The following HTR2C variants were observed in gnomAD, a reference collection of about 807,000 sequenced individuals.
HTR2C encodes 5-hydroxytryptamine (serotonin) receptor 2C, G protein-coupled.
HTR2C carries 5 observed loss-of-function variants against 21.0 expected under a neutral mutation model. That is an observed-to-expected ratio of 0.24 (90% CI 0.12 to 0.50). The LOEUF is 0.50. HTR2C is among the 20% of genes least tolerant of loss of function. HTR2C has a pLI of 0.98. For missense variants in HTR2C, 271 were observed against 371.2 expected (o/e 0.73, Z 2.22); for synonymous variants, 150 against 145.3 (o/e 1.03, Z -0.23).
chrX:114,907,307 G>C lies in HTR2C; in HGVS notation c.1269G>C (p.Val423=). The C allele has an allele frequency of 4.1e-6, 5 of 1,210,800 alleles. No homozygotes were observed. Among genetic ancestry groups the C allele is most frequent in the Non-Finnish European group, 5.6e-6 (5 of 894,738 alleles). The change falls in exon 6 of 6, where the codon GTG becomes GTC. Residue 423 remains valine, a synonymous_variant. Coordinates refer to ENST00000276198, the MANE Select transcript of HTR2C (RefSeq NM_000868.4). The part of the protein sequence containing the change: ...VNIYRHTNEP[V]IEKASDNEPG... The stretch of plus-strand genomic sequence containing the variant: ...TTTATCGGCATACCAATGAACCGGT[G>C]ATCGAGAAAGCCAGTGACAATGAGC...
At chrX:114,775,844 G>A in intron 4 of HTR2C, 1 of 387,036 alleles carries the variant, frequency 2.6e-6, no homozygotes, top group South Asian at 3.6e-5. Context: ...AGGGCCAAGG[G>A]TGCCATGGAA....
Position 114,584,652 on chromosome X carries a change from C to A in HTR2C, c.-154C>A, listed in dbSNP as rs1178651500. ...ACCGCTGCCTGGTCTTCCTCCCGGA[C>A]GCTAGTGGTAAGTTGGAGCCCCGGG... On this transcript the variant is annotated 5_prime_UTR_variant, in exon 1 of 6. Transcript: ENST00000276198. 8.9e-6 allele frequency: 1 copy of A among 112,284 alleles called. No homozygotes were observed. Among genetic ancestry groups the A allele is most frequent in the African/African-American group, 3.2e-5 (1 of 30,878 alleles). The allele number at this position is 112,284 out of a possible 1,213,427, so 9.3% of individuals were successfully genotyped here.
At position 114,800,549 on chromosome X, in the gene HTR2C, T is replaced by C. The variant is rs782316364; in HGVS notation, c.350-47454T>C. 7.2e-5 allele frequency among the ~76,000 whole-genome samples: 8 copies of C among 111,458 alleles called. No homozygotes were observed. The South Asian group carries it at 2.2e-3, about 31-fold the overall frequency. On this transcript the variant is annotated intron_variant, in intron 4 of 5. Transcript: ENST00000276198. ...TTGATGGAGAATGTAAGCATTAGCATTTAATTCATTGGCACTTCTTTGGCT... is the reference window on the plus strand; with the variant it reads ...TTGATGGAGAATGTAAGCATTAGCACTTAATTCATTGGCACTTCTTTGGCT...
chrX:114,672,389 C>CA (rs1300796653), intron 2 of HTR2C, among the ~76,000 whole-genome samples: 56 of 104,623 alleles, frequency 5.4e-4, no homozygotes, highest in East Asian at 4.5e-3. Context: ...GACTGAGTCT[C>CA]AAAAAAAAAA....
chrX:114,748,060 G>A (rs1478070319), intron 4 of HTR2C, among the ~76,000 whole-genome samples: 1 of 112,251 alleles, frequency 8.9e-6, no homozygotes, highest in Non-Finnish European at 1.9e-5. Context: ...TATTAAGTGA[G>A]TTTAGCAAGC....
intron 4 of HTR2C, among the ~76,000 whole-genome samples, chrX:114,830,943 C>T (rs1199742542): frequency 5.1e-5 from 4 of 77,739 alleles, no homozygotes; most frequent in Admixed American, 1.7e-4. Flanking sequence ...TGAGAATATG[C>T]GGTGTTTGGT....
rs782449628 is a variant in HTR2C, at chrX:114,628,292, G to T, written c.-80+14411G>T. On this transcript the variant is annotated intron_variant, in intron 2 of 5. Coordinates refer to ENST00000276198, the MANE Select transcript of HTR2C (RefSeq NM_000868.4). ...CTCACTCTGTCGCCCAGGCTGGAGT[G>T]CAGTGGCACGATCTTGGCTCACTGC... 5.6e-4 allele frequency among the ~76,000 whole-genome samples: 62 copies of T among 110,408 alleles called. 1 individual carries two copies. The highest frequency in any genetic ancestry group is 4.7e-3 in the Middle Eastern group (1 of 211).
intron 2 of HTR2C, among the ~76,000 whole-genome samples, chrX:114,712,780 C>A (rs1454031723): frequency 7.2e-5 from 8 of 111,608 alleles, no homozygotes; most frequent in African/African-American, 2.6e-4. Flanking sequence ...ACCCAAAGAC[C>A]ATTGTTCTCA....
At chrX:114,876,985 A>G (rs979123532) in intron 5 of HTR2C, among the ~76,000 whole-genome samples, 23 of 111,271 alleles carry the variant, frequency 2.1e-4, no homozygotes, top group African/African-American at 7.2e-4. Context: ...GTGTTCTTTC[A>G]TCTTGAATTT....
At chrX:114,848,479 A>C (rs1556468313) in intron 5 of HTR2C, among the ~76,000 whole-genome samples, 1 of 111,678 alleles carries the variant, frequency 9.0e-6, no homozygotes, top group Non-Finnish European at 1.9e-5. Context: ...ACAGATACAA[A>C]ATGTTTGAAA....
At chrX:114,611,854 C>G (rs782121290) in intron 1 of HTR2C, among the ~76,000 whole-genome samples, 2 of 110,850 alleles carry the variant, frequency 1.8e-5, no homozygotes, top group African/African-American at 6.6e-5. Flanking sequence ...CCCGCCACCA[C>G]GCCCGGCTAT....
chrX:114,746,688 T>TAAA (rs1382577054), intron 4 of HTR2C, among the ~76,000 whole-genome samples: 1 of 100,384 alleles, frequency 1.0e-5, no homozygotes, highest in Non-Finnish European at 2.1e-5. Flanking sequence ...ACCTCAACTC[T>TAAA]AAAAAAAAAA....
rs1223752470 is a variant in HTR2C, at chrX:114,722,854, A to G, written c.-79-4004A>G. 2.6e-4 allele frequency among the ~76,000 whole-genome samples: 28 copies of G among 108,182 alleles called. No individual in the cohort carries two copies. In the East Asian group the frequency reaches 7.6e-3, roughly 29 times the overall value. 93.9% of individuals were successfully genotyped at this position (108,182 alleles called of 115,157 possible). A position where few individuals can be genotyped will look rare whatever the true frequency, so the allele number is the denominator to read the frequency against. On this transcript the variant is annotated intron_variant, in intron 2 of 5. Transcript: ENST00000276198. Reference sequence around the variant, plus strand: ...GTATATTGAACCAGCCTTGCATCCCAGGGATGAAGCCCACTTGATCATGGT... The same window carrying G: ...GTATATTGAACCAGCCTTGCATCCCGGGGATGAAGCCCACTTGATCATGGT...
chrX:114,631,157 T>G (rs1929603826), intron 2 of HTR2C, among the ~76,000 whole-genome samples: 1 of 110,679 alleles, frequency 9.0e-6, no homozygotes, highest in South Asian at 3.9e-4. Context: ...ACAAAAAAAA[T>G]CAGCTGGGCA....
At chrX:114,656,887 G>A (rs1556409340) in intron 2 of HTR2C, among the ~76,000 whole-genome samples, 1 of 109,428 alleles carries the variant, frequency 9.1e-6, no homozygotes, top group Admixed American at 9.8e-5. Flanking sequence ...CCTAGAAAAG[G>A]ACATATGTGA....
At chrX:114,730,768 A>G (rs1450503188) in intron 3 of HTR2C, among the ~76,000 whole-genome samples, 2 of 111,606 alleles carry the variant, frequency 1.8e-5, no homozygotes, top group African/African-American at 3.3e-5. Context: ...CAGCTGTCTC[A>G]GAACATATCT....
At chrX:114,866,727 C>T (rs2071049345) in intron 5 of HTR2C, among the ~76,000 whole-genome samples, 1 of 110,576 alleles carries the variant, frequency 9.0e-6, no homozygotes, top group African/African-American at 3.3e-5. Context: ...ATTTTTAGAT[C>T]CCACAGATAA....
chrX:114,699,565 T>G (rs2147306623), intron 2 of HTR2C, among the ~76,000 whole-genome samples: 1 of 112,260 alleles, frequency 8.9e-6, no homozygotes, highest in East Asian at 2.8e-4. Context: ...AATAAATTAA[T>G]GATGAATATC....
At chrX:114,686,164 C>A (rs34351769) in intron 2 of HTR2C, among the ~76,000 whole-genome samples, 1 of 111,010 alleles carries the variant, frequency 9.0e-6, no homozygotes, top group African/African-American at 3.3e-5. Flanking sequence ...ACTTTGTTAT[C>A]TAAAACTTTT....
Sources: allele counts gnomAD v4.1 joint callset (sites outside exome capture counted in the v4.1 genomes callset), GRCh38; gene constraint gnomAD v4.1.1; transcripts MANE v1.5; gene names NCBI Gene and HGNC (gene_info 2026-07-23, HGNC 2026-07-21).